CDK14: variants seen among roughly 807,000 people sequenced by gnomAD.
CDK14 encodes cyclin dependent kinase 14.
Under a neutral mutation model 60.7 loss-of-function variants are expected in CDK14, and 34 were observed. The observed-to-expected ratio is 0.56, with a 90% CI of 0.43 to 0.75. CDK14 has a LOEUF of 0.75. Ranked by LOEUF, CDK14 falls within the 30% of genes least tolerant of loss-of-function variation. The pLI is 0.00. For synonymous variants in CDK14, 197 were observed against 203.7 expected, an observed-to-expected ratio of 0.97 and a Z score of 0.28; for missense variants, 482 against 564.1, an observed-to-expected ratio of 0.85 and a Z score of 1.47.
rs545269584 is a variant in CDK14, at chr7:90,680,608, C to T, written c.124-45959C>T. Among the ~76,000 whole-genome samples the T allele has an allele frequency of 3.3e-5, 5 of 152,272 alleles. No individual in the cohort carries two copies. In the South Asian group the frequency reaches 6.2e-4, roughly 19 times the overall value. ...GGGTGAATTAATCAGATTCCCTCTG[C>T]AGGCTCTTCATAACTTAAGGCAGTG... On this transcript the variant is annotated intron_variant, in intron 2 of 14. Coordinates refer to ENST00000380050, the MANE Select transcript of CDK14 (RefSeq NM_001287135.2).
At chr7:90,676,549 T>A (rs1299123180) in intron 2 of CDK14, among the ~76,000 whole-genome samples, 1 of 123,670 alleles carries the variant, frequency 8.1e-6, no homozygotes, top group Non-Finnish European at 1.7e-5. Flanking sequence ...TTTTTTTTTT[T>A]TGAGCCAGGG....
chr7:90,609,612 G>A (rs1799495012), intron 2 of CDK14, among the ~76,000 whole-genome samples: 1 of 152,108 alleles, frequency 6.6e-6, no homozygotes, highest in Non-Finnish European at 1.5e-5. Flanking sequence ...GCCAGGATTG[G>A]AAGCTTCCTG....
chr7:90,786,995 C>T (rs940775802), intron 4 of CDK14, among the ~76,000 whole-genome samples: 1 of 149,224 alleles, frequency 6.7e-6, no homozygotes, highest in Non-Finnish European at 1.5e-5. Context: ...AATTTCTTAA[C>T]GTTATTTTTT....
At chr7:91,075,404 G>A (rs1020346170) in intron 11 of CDK14, among the ~76,000 whole-genome samples, 1 of 152,124 alleles carries the variant, frequency 6.6e-6, no homozygotes, top group Non-Finnish European at 1.5e-5. Flanking sequence ...AACGGCCTTC[G>A]ATAAAATTCA....
intron 4 of CDK14, among the ~76,000 whole-genome samples, chr7:90,748,643 CTTGAT>C (rs1253238112): frequency 6.6e-6 from 1 of 152,208 alleles, no homozygotes; most frequent in Non-Finnish European, 1.5e-5. Context: ...AGTACAGTGG[CTTGAT>C]AACGGCTCAT....
intron 5 of CDK14, among the ~76,000 whole-genome samples, chr7:90,814,719 T>G (rs950376343): frequency 1.3e-5 from 2 of 152,162 alleles, no homozygotes; most frequent in African/African-American, 4.8e-5. Flanking sequence ...GAGGTTGCAG[T>G]GAGCCGAGAT....
At chr7:91,093,708 A>G (rs1464462334) in intron 12 of CDK14, among the ~76,000 whole-genome samples, 4 of 152,206 alleles carry the variant, frequency 2.6e-5, no homozygotes, top group Non-Finnish European at 5.9e-5. Context: ...CATATTACCA[A>G]AATGGCATAT....
chr7:90,792,990 A>G (rs1805896680), intron 5 of CDK14, among the ~76,000 whole-genome samples: 1 of 152,156 alleles, frequency 6.6e-6, no homozygotes, highest in Admixed American at 6.5e-5. Context: ...TTGTCCATTT[A>G]TCCAAATTAG....
intron 14 of CDK14, among the ~76,000 whole-genome samples, chr7:91,165,083 C>T (rs1801305315): frequency 2.0e-5 from 3 of 152,200 alleles, no homozygotes; most frequent in African/African-American, 7.2e-5. Context: ...TCAGCGTTCC[C>T]TATGCGGCCT....
chr7:90,625,938 A>T (rs1284239790), intron 2 of CDK14, among the ~76,000 whole-genome samples: 1 of 152,198 alleles, frequency 6.6e-6, no homozygotes, highest in Non-Finnish European at 1.5e-5. Context: ...TGCTATTTAA[A>T]CAATGATTTC....
intron 10 of CDK14, among the ~76,000 whole-genome samples, chr7:91,029,341 C>T (rs1393790328): frequency 6.6e-6 from 1 of 151,970 alleles, no homozygotes; most frequent in East Asian, 1.9e-4. Flanking sequence ...ATTATTTTTT[C>T]TAATTCTATG....
At position 90,780,368 on chromosome 7, in the gene CDK14, A is replaced by AG. The variant is rs537050783; in HGVS notation, c.465-10203dup. ...GTAATACCCTCCAAAATGACCAATT[A>AG]GGTTTTTTATTTCATTTTAAAACTT... On this transcript the variant is annotated intron_variant, in intron 4 of 14. Transcript: ENST00000380050. 3.5e-3 allele frequency among the ~76,000 whole-genome samples: 527 copies of AG among 152,026 alleles called. 4 individuals carry two copies. Among genetic ancestry groups the AG allele is most frequent in the African/African-American group, 0.012 (501 of 41,536 alleles).
intron 9 of CDK14, among the ~76,000 whole-genome samples, chr7:90,964,476 C>T (rs1473472048): frequency 1.3e-5 from 2 of 152,154 alleles, no homozygotes; most frequent in Non-Finnish European, 2.9e-5. Flanking sequence ...AAAACTGTAA[C>T]AATAAAACCT....
chr7:90,985,522 A>C (rs1332941730), intron 10 of CDK14, among the ~76,000 whole-genome samples: 2 of 152,212 alleles, frequency 1.3e-5, no homozygotes, highest in African/African-American at 4.8e-5. Flanking sequence ...ATAAACCTAT[A>C]ATTTAAAACA....
At chr7:90,991,067 G>A (rs1175594776) in intron 10 of CDK14, among the ~76,000 whole-genome samples, 1 of 152,068 alleles carries the variant, frequency 6.6e-6, no homozygotes, top group Admixed American at 6.6e-5. Context: ...TAAATGATGA[G>A]AAAAAGAGTC....
intron 10 of CDK14, among the ~76,000 whole-genome samples, chr7:91,003,786 G>A (rs1795906112): frequency 6.6e-6 from 1 of 152,258 alleles, no homozygotes; most frequent in South Asian, 2.1e-4. Context: ...GGGTCACTGG[G>A]TGTTCATATA....
intron 14 of CDK14, among the ~76,000 whole-genome samples, chr7:91,184,548 T>C (rs1260710342): frequency 6.6e-6 from 1 of 152,158 alleles, no homozygotes; most frequent in African/African-American, 2.4e-5. Context: ...TAGTATATCT[T>C]CTTAATCAAA....
intron 12 of CDK14, among the ~76,000 whole-genome samples, chr7:91,086,899 A>G (rs1798657846): frequency 6.6e-6 from 1 of 152,202 alleles, no homozygotes; most frequent in Non-Finnish European, 1.5e-5. Context: ...AGATGAATAT[A>G]AGAAGTCACT....
intron 8 of CDK14, among the ~76,000 whole-genome samples, chr7:90,919,967 T>C (rs1793197711): frequency 6.6e-6 from 1 of 152,268 alleles, no homozygotes; most frequent in Non-Finnish European, 1.5e-5. Context: ...ATGGACTGAA[T>C]TGTCCAGCTT....
Sources: allele counts gnomAD v4.1 joint callset (sites outside exome capture counted in the v4.1 genomes callset), GRCh38; gene constraint gnomAD v4.1.1; transcripts MANE v1.5; gene names NCBI Gene and HGNC (gene_info 2026-07-23, HGNC 2026-07-21).